Variants in DNAJC5 observed in about 807,000 individuals in gnomAD.
DNAJC5 encodes the protein DnaJ heat shock protein family (Hsp40) member C5.
A neutral mutation model predicts 23.2 loss-of-function variants in DNAJC5; 1 was observed. The ratio of observed to expected loss-of-function variants is 0.04; its 90% CI spans 0.02 to 0.20. The LOEUF (loss-of-function observed/expected upper bound fraction) is 0.20, where lower values mean the gene tolerates loss of function less well. DNAJC5 is among the 10% of genes least tolerant of loss of function. The pLI is 1.00. For missense variants in DNAJC5, 180 were observed against 267.0 expected (o/e 0.67, Z 2.27); for synonymous variants, 136 against 120.0 (o/e 1.13, Z -0.87).
chr20:63,927,998 C>G (rs993718162), intron 1 of DNAJC5, among the ~76,000 whole-genome samples: 4 of 152,156 alleles, frequency 2.6e-5, no homozygotes, highest in Non-Finnish European at 5.9e-5. Flanking sequence ...CTCCTGGGCT[C>G]CAGTGCAGTG....
chr20:63,910,588 G>A (rs150567209), intron 1 of DNAJC5, among the ~76,000 whole-genome samples: 18 of 152,020 alleles, frequency 1.2e-4, no homozygotes, highest in African/African-American at 1.7e-4. Flanking sequence ...GGCGAGGCCC[G>A]AGGTACCTGG....
At chr20:63,909,341 A>T (rs912445247) in intron 1 of DNAJC5, among the ~76,000 whole-genome samples, 11 of 145,046 alleles carry the variant, frequency 7.6e-5, no homozygotes, top group African/African-American at 2.8e-4. Flanking sequence ...TACTAAAAAT[A>T]AAAAAAAAAA....
chr20:63,917,796 A>C (rs1299533492), intron 1 of DNAJC5, among the ~76,000 whole-genome samples: 2 of 152,166 alleles, frequency 1.3e-5, no homozygotes, highest in African/African-American at 4.8e-5. Flanking sequence ...ACCTCAAGCC[A>C]TCTGCCCACC....
chr20:63,910,674 T>G (rs572873216), intron 1 of DNAJC5, among the ~76,000 whole-genome samples: 2 of 146,452 alleles, frequency 1.4e-5, no homozygotes, highest in African/African-American at 5.0e-5. Flanking sequence ...TGAGAATGTT[T>G]TTTTTTTTTT....
rs2053712801 is a variant in DNAJC5 at position 63,935,819 on chromosome 20, A to T, written c.*4251A>T. The T allele has an allele frequency of 6.6e-6, 1 of 152,244 alleles. No homozygotes were observed. Among genetic ancestry groups the T allele is most frequent in the Non-Finnish European group, 1.5e-5 (1 of 68,036 alleles). The allele number at this position is 152,244 out of a possible 1,614,324, so 9.4% of individuals were successfully genotyped here. A position where few individuals can be genotyped will look rare whatever the true frequency, so the allele number is the denominator to read the frequency against. On this transcript the variant is annotated 3_prime_UTR_variant, in exon 5 of 5. Coordinates refer to ENST00000360864, the MANE Select transcript of DNAJC5 (RefSeq NM_025219.3). Reference sequence around the variant, plus strand: ...TAAAAATCAAATGCACACGCATGGAAGCTGCTTGTCCATGCACTGGTTTTG... The same window carrying T: ...TAAAAATCAAATGCACACGCATGGATGCTGCTTGTCCATGCACTGGTTTTG...
intron 1 of DNAJC5, among the ~76,000 whole-genome samples, chr20:63,910,671 G>GTT (rs1555877875): frequency 2.0e-5 from 2 of 101,734 alleles, no homozygotes; most frequent in Non-Finnish European, 3.6e-5. Flanking sequence ...TTTTGAGAAT[G>GTT]TTTTTTTTTT....
At chr20:63,917,611 A>G (rs1279748046) in intron 1 of DNAJC5, among the ~76,000 whole-genome samples, 1 of 151,888 alleles carries the variant, frequency 6.6e-6, no homozygotes, top group Admixed American at 6.6e-5. Flanking sequence ...GCTGGAGTGC[A>G]GTGGCGCGAT....
intron 1 of DNAJC5, among the ~76,000 whole-genome samples, chr20:63,921,854 C>T (rs2053576040): frequency 6.6e-6 from 1 of 152,020 alleles, no homozygotes; most frequent in Admixed American, 6.5e-5. Flanking sequence ...TTTCAGTTCA[C>T]TGCAACCTCC....
At position 63,934,165 on chromosome 20, in the gene DNAJC5, A is replaced by G. The variant is rs2053697711; in HGVS notation, c.*2597A>G. 1 of 152,106 alleles carries G rather than the reference A, an allele frequency of 6.6e-6. No individual in the cohort carries two copies. The highest frequency in any genetic ancestry group is 1.5e-5 in the Non-Finnish European group (1 of 68,022). The allele number at this position is 152,106 out of a possible 1,614,324, so 9.4% of individuals were successfully genotyped here. On this transcript the variant is annotated 3_prime_UTR_variant, in exon 5 of 5. Coordinates refer to ENST00000360864, the MANE Select transcript of DNAJC5 (RefSeq NM_025219.3). ...TTCAGCGCTCTGCCCTGTTGGCTTT[A>G]AGGCTTTGTCTTAATTTAAGGAAAA... is the stretch of plus-strand genomic sequence containing the variant.
chr20:63,909,995 T>C (rs817385), intron 1 of DNAJC5, among the ~76,000 whole-genome samples: 74,755 of 152,024 alleles, frequency 0.49, 19,385 homozygotes, highest in East Asian at 0.84. Context: ...TATTTTTGGT[T>C]GTAGTAACGA....
chr20:63,908,059 C>T (rs2053458773), intron 1 of DNAJC5, among the ~76,000 whole-genome samples: 1 of 152,206 alleles, frequency 6.6e-6, no homozygotes, highest in Non-Finnish European at 1.5e-5. Context: ...AGCCACTGCG[C>T]CTGGCCCTGA....
chr20:63,899,827 C>T (rs1301237623), intron 1 of DNAJC5, among the ~76,000 whole-genome samples: 1 of 150,804 alleles, frequency 6.6e-6, no homozygotes, highest in Non-Finnish European at 1.5e-5. Flanking sequence ...GTGATCCGCC[C>T]ATCTTGGCCT....
In DNAJC5 at chr20:63,928,242, C is replaced by A; in HGVS notation, c.-11-93C>A. ...CACAAGGCAGTGTTGGATTCTTTTG[C>A]TTTGAACGGTCTTATGGAATAAAGT... On this transcript the variant is annotated intron_variant, in intron 1 of 4. Transcript: ENST00000360864. This position sits in a 1 kb window ranked among gnomAD's most constrained non-coding sequence, Gnocchi z 4.6. 9.5e-7 allele frequency: 1 copy of A among 1,049,704 alleles called. No individual in the cohort carries two copies. Among genetic ancestry groups the A allele is most frequent in the Non-Finnish European group, 1.4e-6 (1 of 693,714 alleles). 65.0% of individuals were successfully genotyped at this position (1,049,704 alleles called of 1,614,324 possible). A position where few individuals can be genotyped will look rare whatever the true frequency, so the allele number is the denominator to read the frequency against.
In DNAJC5 at chr20:63,928,194, C is replaced by T. The variant is rs2053631385; in HGVS notation, c.-11-141C>T. ...CTCACACTTCTCCATGCCATGGCGT[C>T]TGTCTGTGCACGTGGCAAACTCCAC... is the stretch of plus-strand genomic sequence containing the variant. On this transcript the variant is annotated intron_variant, in intron 1 of 4. Transcript: ENST00000360864. This position sits in a 1 kb window ranked among gnomAD's most constrained non-coding sequence, Gnocchi z 4.6. 1 of 697,262 alleles carries T rather than the reference C, an allele frequency of 1.4e-6. No individual in the cohort carries two copies. Among genetic ancestry groups the T allele is most frequent in the Non-Finnish European group, 2.6e-6 (1 of 391,430 alleles). The allele number at this position is 697,262 out of a possible 1,614,324, so 43.2% of individuals were successfully genotyped here.
chr20:63,910,820 C>T (rs1219973896), intron 1 of DNAJC5, among the ~76,000 whole-genome samples: 1 of 151,872 alleles, frequency 6.6e-6, no homozygotes, highest in East Asian at 2.0e-4. Context: ...CTACAGGTGC[C>T]CGCCACCACA....
rs1175349608 is a variant in DNAJC5, at chr20:63,931,332, G to A, written c.494-133G>A. On this transcript the variant is annotated intron_variant, in intron 4 of 4. Coordinates refer to ENST00000360864, the MANE Select transcript of DNAJC5 (RefSeq NM_025219.3). This position sits in a 1 kb window ranked among gnomAD's most constrained non-coding sequence, Gnocchi z 9.6. Reference sequence around the variant, plus strand: ...CCAAGGCGACGGAGGAAAGCCGTGTGGGGTGGAGGTCAGCGAGTAGCCTCT... The same window carrying A: ...CCAAGGCGACGGAGGAAAGCCGTGTAGGGTGGAGGTCAGCGAGTAGCCTCT... 1.1e-6 allele frequency: 1 copy of A among 941,062 alleles called. No individual in the cohort carries two copies. The highest frequency in any genetic ancestry group is 1.4e-5 in the South Asian group (1 of 71,362). The allele number at this position is 941,062 out of a possible 1,614,324, so 58.3% of individuals were successfully genotyped here. A position where few individuals can be genotyped will look rare whatever the true frequency, so the allele number is the denominator to read the frequency against.
At position 63,929,676 on chromosome 20, in the gene DNAJC5, G is replaced by T; in HGVS notation, c.321+151G>T. 3 of 805,946 alleles carry T rather than the reference G, an allele frequency of 3.7e-6. No homozygotes were observed. The highest frequency in any genetic ancestry group is 6.1e-6 in the Non-Finnish European group (3 of 495,620). 49.9% of individuals were successfully genotyped at this position (805,946 alleles called of 1,614,324 possible). ...TGCGGGCACCCGAGTCTCTCCTGCC[G>T]TGCGGGCACCCGAGTCACTCCTGCC... On this transcript the variant is annotated intron_variant, in intron 3 of 4. Coordinates refer to ENST00000360864, the MANE Select transcript of DNAJC5 (RefSeq NM_025219.3). This position sits in a 1 kb window ranked among gnomAD's most constrained non-coding sequence, Gnocchi z 8.6.
intron 1 of DNAJC5, among the ~76,000 whole-genome samples, chr20:63,905,674 A>G (rs577727246): frequency 4.5e-4 from 68 of 150,924 alleles, no homozygotes; most frequent in Admixed American, 1.3e-4. Flanking sequence ...GGTTCAAGCA[A>G]TTCTCCTGCC....
At chr20:63,921,161 G>A (rs1041963298) in intron 1 of DNAJC5, among the ~76,000 whole-genome samples, 2 of 152,112 alleles carry the variant, frequency 1.3e-5, no homozygotes, top group African/African-American at 4.8e-5. Flanking sequence ...GTTTCTCCAT[G>A]TTGGTCAGGC....
Sources: allele counts gnomAD v4.1 joint callset (sites outside exome capture counted in the v4.1 genomes callset), GRCh38; gene constraint gnomAD v4.1.1; non-coding constraint Gnocchi (gnomAD v3.1); transcripts MANE v1.5; gene names NCBI Gene and HGNC (gene_info 2026-07-23, HGNC 2026-07-21).